Variants in KCNQ1 observed in about 807,000 individuals in gnomAD.
KCNQ1 encodes potassium voltage-gated channel subfamily KQT member 1.
In KCNQ1, 49 loss-of-function variants were observed where a neutral mutation model predicts 72.4. The ratio of observed to expected loss-of-function variants is 0.68; its 90% CI spans 0.54 to 0.86. KCNQ1 has a LOEUF of 0.86. Among genes scored for constraint, KCNQ1 ranks in the 40% least tolerant of loss-of-function variants. KCNQ1 has a pLI of 0.00. For synonymous variants in KCNQ1, 450 were observed against 412.6 expected (o/e 1.09, Z -1.10); for missense variants, 790 against 945.1 (o/e 0.84, Z 2.15).
chr11:2,587,957 C>T (rs866091480), intron 9 of KCNQ1, among the ~76,000 whole-genome samples: 3 of 152,088 alleles, frequency 2.0e-5, no homozygotes, highest in East Asian at 3.9e-4. Flanking sequence ...GGGAGCAGGA[C>T]GGGCTGGAAA....
At position 2,710,582 on chromosome 11, in the gene KCNQ1, A is replaced by C. The variant is rs1343058753; in HGVS notation, c.1514+48501A>C. Among the ~76,000 whole-genome samples, 1 of 152,062 alleles carries C rather than the reference A, an allele frequency of 6.6e-6. No homozygotes were observed. The highest frequency in any genetic ancestry group is 1.5e-5 in the Non-Finnish European group (1 of 67,996). On this transcript the variant is annotated intron_variant, in intron 11 of 15. Transcript: ENST00000155840. This position sits in a 1 kb window ranked among gnomAD's most constrained non-coding sequence, Gnocchi z 4.1. ...TGAGGTCAAAAAGATTTACCCCTAT[A>C]TTTTCTTCCAAGAATTTTATAGTTT...
rs1050482534 is a variant in KCNQ1, at chr11:2,599,254, G to T, written c.1393+10400G>T. ...TTATCATTGTTTTCCAAACTCACGG[G>T]ATCATATCATACCTGCTTTCTGCAT... is the stretch of plus-strand genomic sequence containing the variant. On this transcript the variant is annotated intron_variant, in intron 10 of 15. Coordinates refer to ENST00000155840, the MANE Select transcript of KCNQ1 (RefSeq NM_000218.3). This position sits in a 1 kb window ranked among gnomAD's most constrained non-coding sequence, Gnocchi z 4.7. Among the ~76,000 whole-genome samples the T allele has an allele frequency of 7.9e-5, 12 of 152,098 alleles. No homozygotes were observed. Among genetic ancestry groups the T allele is most frequent in the Non-Finnish European group, 1.6e-4 (11 of 68,024 alleles).
chr11:2,604,786 A>G (rs978828545), intron 10 of KCNQ1, among the ~76,000 whole-genome samples: 13 of 151,980 alleles, frequency 8.6e-5, no homozygotes, highest in Admixed American at 3.9e-4. Flanking sequence ...CTCGTGATCC[A>G]CCCGCCTTGG....
intron 2 of KCNQ1, among the ~76,000 whole-genome samples, chr11:2,532,844 G>A (rs1032834924): frequency 6.6e-6 from 1 of 152,236 alleles, no homozygotes; most frequent in African/African-American, 2.4e-5. Flanking sequence ...GATTCCAGCA[G>A]AGGGAGGCTG....
rs149848772 is a variant in KCNQ1 at position 2,574,090 on chromosome 11, G to A, written c.921+1104G>A. Among the ~76,000 whole-genome samples the A allele has an allele frequency of 2.6e-3, 396 of 152,336 alleles. 1 individual carries two copies. Among genetic ancestry groups the A allele is most frequent in the Middle Eastern group, 0.01 (3 of 294 alleles). On this transcript the variant is annotated intron_variant, in intron 6 of 15. Transcript: ENST00000155840. Reference sequence around the variant, plus strand: ...CAAGGGCTGCTTCTAGGGGGAACACGTGGGTACCCCGAGGGGAGTAGCTGG... The same window carrying A: ...CAAGGGCTGCTTCTAGGGGGAACACATGGGTACCCCGAGGGGAGTAGCTGG...
chr11:2,571,983 T>G (rs376250974), intron 4 of KCNQ1, 30 bp from the exon 5 acceptor site: 30 of 1,586,874 alleles, frequency 1.9e-5, no homozygotes, highest in African/African-American at 1.9e-4. Context: ...CCAGCCTGGC[T>G]CCCTCAGCCC....
rs536046009 is a variant in KCNQ1, at chr11:2,549,920, C to T, written c.478-20708C>T. ...GTTCCGGCTCCTTGCCCACCGCCCCCGCCACCCAGCGCGAGCCGCGTAGAG... is the reference window on the plus strand; with the variant it reads ...GTTCCGGCTCCTTGCCCACCGCCCCTGCCACCCAGCGCGAGCCGCGTAGAG... On this transcript the variant is annotated intron_variant, in intron 2 of 15. Coordinates refer to ENST00000155840, the MANE Select transcript of KCNQ1 (RefSeq NM_000218.3). This position sits in a 1 kb window ranked among gnomAD's most constrained non-coding sequence, Gnocchi z 6.2. Among the ~76,000 whole-genome samples the T allele has an allele frequency of 9.2e-5, 14 of 152,286 alleles. No homozygotes were observed. The highest frequency in any genetic ancestry group is 2.9e-4 in the African/African-American group (12 of 41,564).
In KCNQ1 at chr11:2,526,653, T is replaced by C. The variant is rs1847512931; in HGVS notation, c.387-1275T>C. Among the ~76,000 whole-genome samples the C allele has an allele frequency of 6.8e-6, 1 of 146,436 alleles. No individual in the cohort carries two copies. Among genetic ancestry groups the C allele is most frequent in the African/African-American group, 2.5e-5 (1 of 40,244 alleles). On this transcript the variant is annotated intron_variant, in intron 1 of 15. Transcript: ENST00000155840. This position sits in a 1 kb window ranked among gnomAD's most constrained non-coding sequence, Gnocchi z 6.1. The stretch of plus-strand genomic sequence containing the variant: ...GCTGTGCTGGGAGGTAGCCTGTTTG[T>C]TGTGGGCTCTGGGGGCCTGGGGAGG...
At position 2,588,232 on chromosome 11, in the gene KCNQ1, C is replaced by A. The variant is rs1020223971; in HGVS notation, c.1252-481C>A. ...TTCCCCTTCCTGGCCCGTGCCCACC[C>A]CCTGTGGAGAGACCTGGCCTTCCCA... is the stretch of plus-strand genomic sequence containing the variant. On this transcript the variant is annotated intron_variant, in intron 9 of 15. Transcript: ENST00000155840. This position sits in a 1 kb window ranked among gnomAD's most constrained non-coding sequence, Gnocchi z 5.6. Among the ~76,000 whole-genome samples, 2 of 152,052 alleles carry A rather than the reference C, an allele frequency of 1.3e-5. No individual in the cohort carries two copies. Among genetic ancestry groups the A allele is most frequent in the African/African-American group, 2.4e-5 (1 of 41,382 alleles).
At position 2,515,421 on chromosome 11, in the gene KCNQ1, G is replaced by T. The variant is rs939252123; in HGVS notation, c.387-12507G>T. 1.5e-4 allele frequency among the ~76,000 whole-genome samples: 19 copies of T among 130,912 alleles called. No individual in the cohort carries two copies. The highest frequency in any genetic ancestry group is 2.3e-4 in the Non-Finnish European group (13 of 56,316). 85.9% of individuals were successfully genotyped at this position (130,912 alleles called of 152,430 possible). ...GGAGGGCGGAGCCCCTGGCCCAGGG[G>T]CGGGGAGGCCTGTCCACCCCTCCCA... is the stretch of plus-strand genomic sequence containing the variant. On this transcript the variant is annotated intron_variant, in intron 1 of 15. Transcript: ENST00000155840. This position sits in a 1 kb window ranked among gnomAD's most constrained non-coding sequence, Gnocchi z 4.7.
At chr11:2,558,858 C>A (rs1286595148) in intron 2 of KCNQ1, among the ~76,000 whole-genome samples, 1 of 152,154 alleles carries the variant, frequency 6.6e-6, no homozygotes, top group Non-Finnish European at 1.5e-5. Context: ...GATTTGGCCC[C>A]AATGATAATG....
At chr11:2,574,489 G>C (rs563345523) in intron 6 of KCNQ1, among the ~76,000 whole-genome samples, 2 of 152,296 alleles carry the variant, frequency 1.3e-5, no homozygotes, top group Admixed American at 1.3e-4. Flanking sequence ...CAGGGCAGCC[G>C]TGGGAAACAC....
At chr11:2,796,529 T>C (rs541223189) in intron 15 of KCNQ1, among the ~76,000 whole-genome samples, 14 of 152,204 alleles carry the variant, frequency 9.2e-5, no homozygotes, top group African/African-American at 2.9e-4. Context: ...TGAGAAGTAG[T>C]CCTCATTTCC....
intron 11 of KCNQ1, chr11:2,684,541 T>C (rs373202799): frequency 3.8e-5 from 15 of 398,584 alleles, no homozygotes; most frequent in African/African-American, 3.1e-4. Context: ...GCAATATATT[T>C]GATGCTTTCT....
At position 2,698,297 on chromosome 11, in the gene KCNQ1, TTC is replaced by T; in HGVS notation, c.1514+36220_1514+36221del. ...AGAACTATTCTACCTGGATGAATTA[TTC>T]TCTTTCATAACCAGAACAGTGCTGT... On this transcript the variant is annotated intron_variant, in intron 11 of 15. Coordinates refer to ENST00000155840, the MANE Select transcript of KCNQ1 (RefSeq NM_000218.3). This position sits in a 1 kb window ranked among gnomAD's most constrained non-coding sequence, Gnocchi z 5.1. The T allele has an allele frequency of 2.5e-6, 1 of 398,668 alleles. No homozygotes were observed. Among genetic ancestry groups the T allele is most frequent in the Non-Finnish European group, 4.4e-6 (1 of 226,070 alleles). 24.7% of individuals were successfully genotyped at this position (398,668 alleles called of 1,614,324 possible).
intron 1 of KCNQ1, among the ~76,000 whole-genome samples, chr11:2,510,528 G>C (rs749264545): frequency 3.8e-4 from 58 of 152,260 alleles, no homozygotes; most frequent in Non-Finnish European, 7.5e-4. Flanking sequence ...GATCACTTGA[G>C]CCCAGGAGTA....
At chr11:2,700,108 G>A (rs2133904034) in intron 11 of KCNQ1, 1 of 397,568 alleles carries the variant, frequency 2.5e-6, no homozygotes, top group Non-Finnish European at 4.4e-6. Flanking sequence ...CTGCTGCACG[G>A]ATTGGCTGGG....
rs1416787175 is a variant in KCNQ1, at chr11:2,488,657, C to T, written c.387-39271C>T. Among the ~76,000 whole-genome samples the T allele has an allele frequency of 1.3e-5, 2 of 152,198 alleles. No individual in the cohort carries two copies. The highest frequency in any genetic ancestry group is 6.5e-5 in the Admixed American group (1 of 15,288). On this transcript the variant is annotated intron_variant, in intron 1 of 15. Coordinates refer to ENST00000155840, the MANE Select transcript of KCNQ1 (RefSeq NM_000218.3). The surrounding 1 kb of genome is among the most constrained non-coding windows in gnomAD (Gnocchi z 5.1). ...TTGATACACAATTGTTCACAATACT[C>T]TCTTATAATCCTTTTTATTTCTGTA...
Position 2,674,330 on chromosome 11 carries a change from T to C in KCNQ1, c.1514+12249T>C. The C allele has an allele frequency of 2.5e-6, 1 of 398,674 alleles. No individual in the cohort carries two copies. The highest frequency in any genetic ancestry group is 4.4e-6 in the Non-Finnish European group (1 of 226,108). 24.7% of individuals were successfully genotyped at this position (398,674 alleles called of 1,614,324 possible). The stretch of plus-strand genomic sequence containing the variant: ...AGAGCTGGAGGCCAAGGACACCCTC[T>C]GGAAATCTGAATTCCATTCGCTCTT... On this transcript the variant is annotated intron_variant, in intron 11 of 15. Coordinates refer to ENST00000155840, the MANE Select transcript of KCNQ1 (RefSeq NM_000218.3). The surrounding 1 kb of genome is among the most constrained non-coding windows in gnomAD (Gnocchi z 5.9).
Sources: allele counts gnomAD v4.1 joint callset (sites outside exome capture counted in the v4.1 genomes callset), GRCh38; gene constraint gnomAD v4.1.1; non-coding constraint Gnocchi (gnomAD v3.1); transcripts MANE v1.5; gene names NCBI Gene and HGNC (gene_info 2026-07-23, HGNC 2026-07-21).